PLXDC2: variants seen among roughly 807,000 people sequenced by gnomAD.
PLXDC2 encodes plexin domain containing 2, also known as plexin domain-containing protein 2.
PLXDC2 carries 40 observed loss-of-function variants against 68.9 expected under a neutral mutation model. The observed-to-expected ratio is 0.58, with a 90% confidence interval of 0.45 to 0.76. PLXDC2 has a LOEUF of 0.76. Ranked by LOEUF, PLXDC2 falls within the 30% of genes least tolerant of loss-of-function variation. PLXDC2 has a pLI of 0.00. For synonymous variants in PLXDC2, 243 were observed against 234.2 expected, an observed-to-expected ratio of 1.04 and a Z score of -0.34; for missense variants, 644 against 661.9, an observed-to-expected ratio of 0.97 and a Z score of 0.30.
chr10:20,066,971 G>C (rs939296601), intron 3 of PLXDC2, among the ~76,000 whole-genome samples: 2 of 152,010 alleles, frequency 1.3e-5, no homozygotes, highest in Non-Finnish European at 1.5e-5. Flanking sequence ...TTTTATTTCA[G>C]TTGATCATCT....
At chr10:20,031,985 AATTTTTTGT>A (rs1181354742) in intron 2 of PLXDC2, among the ~76,000 whole-genome samples, 2 of 151,892 alleles carry the variant, frequency 1.3e-5, no homozygotes, top group Non-Finnish European at 2.9e-5. Flanking sequence ...ACGTCCAGCT[AATTTTTTGT>A]ATTTTTTGTA....
chr10:20,174,396 AC>A (rs946272335), intron 7 of PLXDC2, among the ~76,000 whole-genome samples: 2 of 152,154 alleles, frequency 1.3e-5, no homozygotes, highest in African/African-American at 4.8e-5. Flanking sequence ...TATGAAGTTT[AC>A]TTTTTGAAAA....
rs958745137 is a variant in PLXDC2 at position 20,284,740 on chromosome 10, C to T, written c.*4921C>T. On this transcript the variant is annotated 3_prime_UTR_variant, in exon 14 of 14. Coordinates refer to ENST00000377252, the MANE Select transcript of PLXDC2 (RefSeq NM_032812.9). ...TGTTTGTTTCAGTTCTCATTGCCTT[C>T]ATCTCTTAATTGTCGGCACTTAAGG... 1.3e-5 allele frequency: 2 copies of T among 152,124 alleles called. No homozygotes were observed. The highest frequency in any genetic ancestry group is 2.9e-5 in the Non-Finnish European group (2 of 68,028). 9.4% of individuals were successfully genotyped at this position (152,124 alleles called of 1,614,324 possible). A position where few individuals can be genotyped will look rare whatever the true frequency, so the allele number is the denominator to read the frequency against.
chr10:19,834,658 A>T (rs1335447227), intron 1 of PLXDC2, among the ~76,000 whole-genome samples: 2 of 152,228 alleles, frequency 1.3e-5, no homozygotes, highest in Non-Finnish European at 2.9e-5. Flanking sequence ...TTGTTTCGAA[A>T]GGACTGAGAT....
At chr10:19,904,947 A>T (rs1374412936) in intron 1 of PLXDC2, among the ~76,000 whole-genome samples, 1 of 152,168 alleles carries the variant, frequency 6.6e-6, no homozygotes, top group African/African-American at 2.4e-5. Context: ...TGTCATGTAG[A>T]ATAGGAACAC....
chr10:20,141,079 T>G (rs1300414715), intron 4 of PLXDC2, among the ~76,000 whole-genome samples: 1 of 152,146 alleles, frequency 6.6e-6, no homozygotes, highest in Non-Finnish European at 1.5e-5. Flanking sequence ...TGTTAACAAA[T>G]TCTTCTGTAT....
At chr10:19,853,588 T>C (rs1042515210) in intron 1 of PLXDC2, among the ~76,000 whole-genome samples, 1 of 151,170 alleles carries the variant, frequency 6.6e-6, no homozygotes, top group East Asian at 2.0e-4. Flanking sequence ...CCCCTTCGAG[T>C]TTCTATCTCA....
chr10:19,977,008 T>C (rs1173327975), intron 1 of PLXDC2, among the ~76,000 whole-genome samples: 2 of 152,224 alleles, frequency 1.3e-5, no homozygotes, highest in African/African-American at 2.4e-5. Context: ...AGGTATTCTC[T>C]GATCTTTCTG....
At chr10:19,876,384 T>C (rs1837632465) in intron 1 of PLXDC2, among the ~76,000 whole-genome samples, 1 of 152,164 alleles carries the variant, frequency 6.6e-6, no homozygotes, top group Non-Finnish European at 1.5e-5. Context: ...CACATTATGC[T>C]GCATGTATAT....
At chr10:20,214,690 A>G (rs1430156955) in intron 10 of PLXDC2, among the ~76,000 whole-genome samples, 1 of 152,098 alleles carries the variant, frequency 6.6e-6, no homozygotes, top group African/African-American at 2.4e-5. Context: ...TTTTATTCAG[A>G]ATCTACTTGT....
intron 6 of PLXDC2, 111 bp from the exon 7 acceptor site, chr10:20,164,357 C>CT: frequency 1.1e-6 from 1 of 889,218 alleles, no homozygotes; most frequent in South Asian, 1.5e-5. Flanking sequence ...CCTTTCTAGT[C>CT]TTTTATCTCC....
intron 4 of PLXDC2, among the ~76,000 whole-genome samples, chr10:20,108,872 G>T (rs1043801169): frequency 2.0e-5 from 3 of 152,138 alleles, no homozygotes. Flanking sequence ...AAGAATGTAG[G>T]GTTTTGCTAA....
chr10:20,088,438 G>T (rs1373552609), intron 4 of PLXDC2, among the ~76,000 whole-genome samples: 1 of 152,070 alleles, frequency 6.6e-6, no homozygotes, highest in Non-Finnish European at 1.5e-5. Flanking sequence ...TGTTACTCTG[G>T]GATAACTATG....
intron 1 of PLXDC2, among the ~76,000 whole-genome samples, chr10:19,975,699 T>C (rs914864137): frequency 6.6e-6 from 1 of 152,208 alleles, no homozygotes; most frequent in African/African-American, 2.4e-5. Flanking sequence ...TCTTTACTTT[T>C]CCTTGATTTA....
At chr10:19,951,782 T>G (rs1293919588) in intron 1 of PLXDC2, among the ~76,000 whole-genome samples, 1 of 152,138 alleles carries the variant, frequency 6.6e-6, no homozygotes, top group Non-Finnish European at 1.5e-5. Flanking sequence ...AAAGAAAATG[T>G]GAGACATAAA....
chr10:20,083,442 A>C (rs1836613702), intron 4 of PLXDC2, among the ~76,000 whole-genome samples: 1 of 144,844 alleles, frequency 6.9e-6, no homozygotes, highest in African/African-American at 2.6e-5. Context: ...GCGCCACTGC[A>C]CTCCAGCCTG....
At chr10:20,119,100 T>C (rs947378957) in intron 4 of PLXDC2, among the ~76,000 whole-genome samples, 1 of 151,966 alleles carries the variant, frequency 6.6e-6, no homozygotes, top group Non-Finnish European at 1.5e-5. Context: ...GGTAGAGGCA[T>C]CCAGGAGAGT....
chr10:20,232,809 T>TA (rs1835382763), intron 12 of PLXDC2, among the ~76,000 whole-genome samples: 1 of 152,202 alleles, frequency 6.6e-6, no homozygotes, highest in Non-Finnish European at 1.5e-5. Context: ...GGGTGATGGT[T>TA]ACTTGGTATA....
At position 20,141,168 on chromosome 10, in the gene PLXDC2, C is replaced by A. The variant is rs76572243; in HGVS notation, c.542-2127C>A. Among the ~76,000 whole-genome samples, 104 of 152,016 alleles carry A rather than the reference C, an allele frequency of 6.8e-4. 3 individuals are homozygous for A. The East Asian group carries it at 0.02, about 29-fold the overall frequency. ...ATTGTAGATTTGGGAAACATTTTCC[C>A]GATCAAAAGAAATAACAGTTAATGG... On this transcript the variant is annotated intron_variant, in intron 4 of 13. Coordinates refer to ENST00000377252, the MANE Select transcript of PLXDC2 (RefSeq NM_032812.9).
Sources: allele counts gnomAD v4.1 joint callset (sites outside exome capture counted in the v4.1 genomes callset), GRCh38; gene constraint gnomAD v4.1.1; transcripts MANE v1.5; gene names NCBI Gene and HGNC (gene_info 2026-07-23, HGNC 2026-07-21).